CNTN5: variants seen among roughly 807,000 people sequenced by gnomAD.
CNTN5 encodes contactin-5.
Under a neutral mutation model 129.1 loss-of-function variants are expected in CNTN5, and 77 were observed. The ratio of observed to expected loss-of-function variants is 0.60; its 90% CI spans 0.50 to 0.72. CNTN5 has a LOEUF of 0.72. CNTN5 is among the 30% of genes least tolerant of loss of function. The probability of loss-of-function intolerance (pLI) is 0.00; values close to 1 mark genes in which losing one functional copy is unlikely to be tolerated. For missense variants in CNTN5, 1,478 were observed against 1,328.8 expected, an observed-to-expected ratio of 1.11 and a Z score of -1.75; for synonymous variants, 509 against 465.6, an observed-to-expected ratio of 1.09 and a Z score of -1.20.
chr11:99,083,162 T>C (rs726533), intron 1 of CNTN5, among the ~76,000 whole-genome samples: 59,510 of 151,924 alleles, frequency 0.39, 12,476 homozygotes, highest in East Asian at 0.54. Context: ...TTTCTTCTCC[T>C]GAATGCATTT....
intron 1 of CNTN5, among the ~76,000 whole-genome samples, chr11:99,133,152 AGG>A (rs1296059790): frequency 1.3e-5 from 2 of 152,086 alleles, no homozygotes; most frequent in Non-Finnish European, 2.9e-5. Flanking sequence ...ACAAACAGTG[AGG>A]AGAGGATTCC....
chr11:99,062,397 T>A (rs1864921887), intron 1 of CNTN5, among the ~76,000 whole-genome samples: 1 of 152,134 alleles, frequency 6.6e-6, no homozygotes, highest in Admixed American at 6.6e-5. Context: ...TATCAGCAAA[T>A]ATTTTGACCA....
chr11:99,232,266 T>A (rs776348758), intron 1 of CNTN5, among the ~76,000 whole-genome samples: 1 of 152,228 alleles, frequency 6.6e-6, no homozygotes, highest in African/African-American at 2.4e-5. Context: ...ATGATATTGA[T>A]TTTTTCTACC....
intron 1 of CNTN5, among the ~76,000 whole-genome samples, chr11:99,294,158 T>C (rs1864286516): frequency 6.6e-6 from 1 of 152,162 alleles, no homozygotes; most frequent in African/African-American, 2.4e-5. Flanking sequence ...TTTTTTAAAT[T>C]AATTCATTGG....
chr11:99,879,030 C>T (rs1020566752), intron 6 of CNTN5, among the ~76,000 whole-genome samples: 3 of 151,676 alleles, frequency 2.0e-5, no homozygotes, highest in African/African-American at 4.8e-5. Context: ...CTCTGCCTCC[C>T]GGGTCCAGGC....
At chr11:99,699,570 C>T (rs1435052287) in intron 3 of CNTN5, among the ~76,000 whole-genome samples, 1 of 151,372 alleles carries the variant, frequency 6.6e-6, no homozygotes, top group Non-Finnish European at 1.5e-5. Flanking sequence ...TGAATCACTA[C>T]AAAGGCTAGG....
intron 2 of CNTN5, among the ~76,000 whole-genome samples, chr11:99,395,877 T>C (rs1171266703): frequency 6.6e-6 from 1 of 151,888 alleles, no homozygotes; most frequent in African/African-American, 2.4e-5. Context: ...ATTTCTGGGC[T>C]ATCTATTCTG....
chr11:100,308,476 C>A lies in CNTN5; in HGVS notation c.2730+8C>A, dbSNP rs760841039. The A allele has an allele frequency of 2.5e-6, 4 of 1,607,292 alleles. No individual in the cohort carries two copies. The East Asian group carries it at 8.9e-5, about 36-fold the overall frequency. On this transcript the variant is annotated splice_region_variant and intron_variant, in intron 21 of 24. Coordinates refer to ENST00000524871, the MANE Select transcript of CNTN5 (RefSeq NM_014361.4). The stretch of plus-strand genomic sequence containing the variant: ...AGACCACAGGGATTTGAGGTATGAA[C>A]AGAATGATTGAAAATAAGCCTTATT...
At chr11:100,287,704 G>A (rs1950830562) in intron 18 of CNTN5, among the ~76,000 whole-genome samples, 2 of 152,028 alleles carry the variant, frequency 1.3e-5, no homozygotes, top group East Asian at 1.9e-4. Context: ...ATCAACTAAT[G>A]AGCAAAATAA....
intron 2 of CNTN5, among the ~76,000 whole-genome samples, chr11:99,391,087 GTTGT>G (rs1370870063): frequency 6.6e-6 from 1 of 151,854 alleles, no homozygotes; most frequent in Non-Finnish European, 1.5e-5. Flanking sequence ...ACTCCTAGAT[GTTGT>G]TTAAGTCTTT....
At chr11:99,777,616 G>GT (rs1004669442) in intron 3 of CNTN5, among the ~76,000 whole-genome samples, 6 of 151,620 alleles carry the variant, frequency 4.0e-5, no homozygotes, top group African/African-American at 1.5e-4. Context: ...GTTCTTGACA[G>GT]TTTTTTTCTG....
intron 1 of CNTN5, among the ~76,000 whole-genome samples, chr11:99,169,154 A>G (rs1861028595): frequency 6.6e-6 from 1 of 152,208 alleles, no homozygotes. Flanking sequence ...TGATACTAGA[A>G]CACAGATACA....
chr11:100,308,680 T>C (rs951260471), intron 21 of CNTN5: 2 of 1,159,130 alleles, frequency 1.7e-6, no homozygotes, highest in African/African-American at 1.6e-5. Flanking sequence ...CGTAGCACTA[T>C]GCAAAGATGT....
At chr11:99,699,090 G>A (rs1432724846) in intron 3 of CNTN5, among the ~76,000 whole-genome samples, 3 of 151,312 alleles carry the variant, frequency 2.0e-5, no homozygotes, top group Middle Eastern at 3.2e-3. Flanking sequence ...GGAAGATAAC[G>A]TTCAATTTTC....
chr11:99,318,269 C>A (rs1865428735), intron 1 of CNTN5, among the ~76,000 whole-genome samples: 1 of 152,078 alleles, frequency 6.6e-6, no homozygotes. Context: ...CTGTTGTTTT[C>A]ATGTATAATC....
chr11:99,339,544 C>T (rs1367916367), intron 2 of CNTN5, among the ~76,000 whole-genome samples: 1 of 151,996 alleles, frequency 6.6e-6, no homozygotes, highest in African/African-American at 2.4e-5. Flanking sequence ...CTTTGGGAGG[C>T]CGAGACGGGT....
intron 1 of CNTN5, among the ~76,000 whole-genome samples, chr11:99,102,689 A>C (rs777232178): frequency 1.3e-5 from 2 of 152,158 alleles, no homozygotes; most frequent in Admixed American, 1.3e-4. Flanking sequence ...TTCATTGTCT[A>C]TATCGTTATC....
At position 99,430,998 on chromosome 11, in the gene CNTN5, G is replaced by GTT. The variant is rs11292397; in HGVS notation, c.-71+105528_-71+105529dup. On this transcript the variant is annotated intron_variant, in intron 2 of 24. Coordinates refer to ENST00000524871, the MANE Select transcript of CNTN5 (RefSeq NM_014361.4). The stretch of plus-strand genomic sequence containing the variant: ...AATTTTTGGATCCTTTTTCCTGGCT[G>GTT]TTTTTTTTTTTTTTTCCTCTCATTT... Among the ~76,000 whole-genome samples the GTT allele has an allele frequency of 6.6e-3, 917 of 139,450 alleles. 6 individuals are homozygous for GTT. The highest frequency in any genetic ancestry group is 8.7e-3 in the Non-Finnish European group (563 of 65,070). The allele number at this position is 139,450 out of a possible 152,430, so 91.5% of individuals were successfully genotyped here.
At chr11:99,784,321 C>T (rs1361364977) in intron 3 of CNTN5, among the ~76,000 whole-genome samples, 1 of 151,936 alleles carries the variant, frequency 6.6e-6, no homozygotes, top group Non-Finnish European at 1.5e-5. Flanking sequence ...CCACATAGGC[C>T]CAGGTGTGTG....
Sources: allele counts gnomAD v4.1 joint callset (sites outside exome capture counted in the v4.1 genomes callset), GRCh38; gene constraint gnomAD v4.1.1; transcripts MANE v1.5; gene names NCBI Gene and HGNC (gene_info 2026-07-23, HGNC 2026-07-21).